ITGA7: variants seen among roughly 807,000 people sequenced by gnomAD.
ITGA7 encodes the protein integrin subunit alpha 7.
A neutral mutation model predicts 131.6 loss-of-function variants in ITGA7; 84 were observed. The observed-to-expected ratio is 0.64, with a 90% CI of 0.54 to 0.77. The LOEUF (loss-of-function observed/expected upper bound fraction) is 0.77, where lower values mean the gene tolerates loss of function less well. Among genes scored for constraint, ITGA7 ranks in the 30% least tolerant of loss-of-function variants. The pLI, the probability that ITGA7 is intolerant of heterozygous loss-of-function variation, is 0.00. For synonymous variants in ITGA7, 548 were observed against 600.7 expected (o/e 0.91, Z 1.28); for missense variants, 1,399 against 1,482.9 (o/e 0.94, Z 0.93).
chr12:55,703,175 C>A lies in ITGA7; in HGVS notation c.210G>T (p.Leu70=). The part of the protein sequence containing the change: ...RQLQPRPQSW[L]LVGAPQALAL... ...CCAGGGCCTGGGGAGCACCCACCAG[C>A]AGCCTGCAAGATGGGGCAGGGGCAG... The change falls in exon 2 of 25, where the codon CTG becomes CTT. Residue 70 remains leucine, a synonymous_variant. Transcript: ENST00000257879. 6 of 1,609,716 alleles carry A rather than the reference C, an allele frequency of 3.7e-6. No individual in the cohort carries two copies. Among genetic ancestry groups the A allele is most frequent in the Non-Finnish European group, 5.1e-6 (6 of 1,179,946 alleles).
Position 55,692,827 on chromosome 12 carries a change from G to T in ITGA7, c.2844+17C>A, listed in dbSNP as rs752052966. The T allele has an allele frequency of 3.1e-5, 49 of 1,599,516 alleles. No homozygotes were observed. In the African/African-American group the frequency reaches 4.4e-4, roughly 14 times the overall value. On this transcript the variant is annotated intron_variant, in intron 21 of 24. Coordinates refer to ENST00000257879, the MANE Select transcript of ITGA7 (RefSeq NM_002206.3). ...CACCCCGGAGCTCTGGCTGCACCGA[G>T]TCTGGCCTGCCCTCACCAGGGTGAT...
At chr12:55,701,458 T>C in intron 3 of ITGA7, 1 of 1,546,380 alleles carries the variant, frequency 6.5e-7, no homozygotes, top group South Asian at 1.2e-5. Flanking sequence ...CCACATAGGA[T>C]GTGTGTCTCC....
chr12:55,685,327 A>T, intron 24 of ITGA7, 39 bp from the exon 25 acceptor site: 1 of 1,585,914 alleles, frequency 6.3e-7, no homozygotes, highest in South Asian at 1.1e-5. Flanking sequence ...GAGCCTGAAG[A>T]GCTGCGGTCC....
At chr12:55,700,076 A>C in intron 4 of ITGA7, 87 bp from the exon 5 acceptor site, 1 of 1,531,744 alleles carries the variant, frequency 6.5e-7, no homozygotes, top group Non-Finnish European at 9.0e-7. Flanking sequence ...AAAGGCCAGA[A>C]AATGGTGGAA....
At position 55,694,910 on chromosome 12, in the gene ITGA7, C is replaced by G. The variant is rs1022667649; in HGVS notation, c.2064G>C (p.Glu688Asp). 2 of 1,614,042 alleles carry G rather than the reference C, an allele frequency of 1.2e-6. No individual in the cohort carries two copies. Among genetic ancestry groups the G allele is most frequent in the South Asian group, 2.2e-5 (2 of 91,086 alleles). ...ALSGQPVIGL[E>D]LMVTNLPSDP... ...CCGATGGCAGGTTGGTGACCATCAG[C>G]TCCAGGCCAATGACTGGCTGCCCAC... is the stretch of plus-strand genomic sequence containing the variant. Residue 688 changes from glutamate (E) to aspartate (D), a missense_variant, in exon 15 of 25, where the codon GAG becomes GAC. By Grantham distance (45) the Glu-to-Asp change is conservative (BLOSUM62 2). Coordinates refer to ENST00000257879, the MANE Select transcript of ITGA7 (RefSeq NM_002206.3). This position sits in a 1 kb window ranked among gnomAD's most constrained non-coding sequence, Gnocchi z 5.3.
At chr12:55,697,113 C>T (rs1216615089) in intron 11 of ITGA7, 45 bp from the exon 12 acceptor site, 1 of 1,600,706 alleles carries the variant, frequency 6.2e-7, no homozygotes. Flanking sequence ...TGCAGAGCTG[C>T]TCCAGCTCAC....
rs2293412 is a variant in ITGA7 at position 55,697,833 on chromosome 12, A to G, written c.1282-11T>C. 883,655 of 1,613,830 alleles carry G rather than the reference A, an allele frequency of 0.55. 250,449 individuals are homozygous for G. The highest frequency in any genetic ancestry group is 0.94 in the East Asian group (42,268 of 44,862). ...CTCGCCCTCCAGCACCTAGAGAACC[A>G]GCTGTCAGCCTCCCTCAATCCCACC... On this transcript the variant is annotated splice_polypyrimidine_tract_variant and intron_variant, in intron 8 of 24. Coordinates refer to ENST00000257879, the MANE Select transcript of ITGA7 (RefSeq NM_002206.3).
chr12:55,712,139 G>T, upstream of ITGA7: 1 of 1,551,528 alleles, frequency 6.4e-7, no homozygotes, highest in Non-Finnish European at 8.7e-7. Context: ...GAGTGGCTGG[G>T]AGGAAAAGAA....
chr12:55,713,806 A>G (rs540531072), upstream of ITGA7, among the ~76,000 whole-genome samples: 27 of 152,326 alleles, frequency 1.8e-4, no homozygotes, highest in South Asian at 5.4e-3. Context: ...ACAGTTGCAC[A>G]TCTCCCAGGA....
Position 55,699,851 on chromosome 12 carries a change from G to A in ITGA7, c.790+19C>T, listed in dbSNP as rs369569134. ...GCTGGGCCATGCCCCTAGAGTCCAG[G>A]AGGTGGGAGCTTACAAACCTAAGTA... On this transcript the variant is annotated intron_variant, in intron 5 of 24. Transcript: ENST00000257879. 4.2e-5 allele frequency: 67 copies of A among 1,594,512 alleles called. No homozygotes were observed. The highest frequency in any genetic ancestry group is 5.5e-5 in the Non-Finnish European group (64 of 1,171,338).
rs145814771 is a variant in ITGA7, at chr12:55,706,108, C to T, written c.206+1369G>A. 3.0e-3 allele frequency among the ~76,000 whole-genome samples: 464 copies of T among 152,234 alleles called. 2 individuals are homozygous for T. The highest frequency in any genetic ancestry group is 0.011 in the African/African-American group (437 of 41,538). ...GAGAGGAGGGGGAAATGACAAGAGA[C>T]CAAGCTATTAAAAATAACCTAGAAT... On this transcript the variant is annotated intron_variant, in intron 1 of 24. Transcript: ENST00000257879.
chr12:55,692,958 A>C lies in ITGA7; in HGVS notation c.2730T>G (p.Asp910Glu). ...NILHLDVDSR[D>E]RRRRELEPPE... ...GTGGCTCCAGCTCCCGCCGCCTCCT[A>C]TCCCTACTGTCCACATCCTGGACAC... Residue 910 changes from aspartate (D) to glutamate (E), a missense_variant, in exon 21 of 25, where the codon GAT becomes GAG. Transcript: ENST00000257879. 1.9e-6 allele frequency: 3 copies of C among 1,613,928 alleles called. No homozygotes were observed. The highest frequency in any genetic ancestry group is 1.3e-5 in the African/African-American group (1 of 74,972).
In ITGA7 at chr12:55,685,129, G is replaced by A. The variant is rs936912849; in HGVS notation, c.3343C>T (p.His1115Tyr). The A allele has an allele frequency of 1.2e-6, 2 of 1,613,016 alleles. No homozygotes were observed. Among genetic ancestry groups the A allele is most frequent in the African/African-American group, 1.3e-5 (1 of 75,074 alleles). Residue 1115 changes from histidine to tyrosine, a missense_variant, in exon 25 of 25, where the codon CAC becomes TAC. Physicochemically the swap from His to Tyr is moderately conservative, Grantham distance 83. Transcript: ENST00000257879. ...GSPRREGPDA[H>Y]PILAADGHPE... ...TGCCCGTCAGCAGCCAGGATGGGGT[G>A]TGCATCCGGGCCCTCCCGCCGGGGG...
chr12:55,705,699 A>G (rs1414740565), intron 1 of ITGA7, among the ~76,000 whole-genome samples: 1 of 152,262 alleles, frequency 6.6e-6, no homozygotes, highest in African/African-American at 2.4e-5. Flanking sequence ...CGGGCTATGC[A>G]CTATTCTAAG....
rs753351732 is a variant in ITGA7, at chr12:55,688,947, C to T, written c.2855G>A (p.Arg952Gln). 1.1e-5 allele frequency: 18 copies of T among 1,613,710 alleles called. No individual in the cohort carries two copies. The East Asian group carries it at 1.3e-4, about 12-fold the overall frequency. ...KKKNITLDCARGTANCVVFSC... is the reference protein window; with the variant it reads ...KKKNITLDCAQGTANCVVFSC... Reference sequence around the variant, plus strand: ...GAACACCACACAGTTGGCCGTGCCCCGGGCGCAGTCCTAGGGATAAGGACA... The same window carrying T: ...GAACACCACACAGTTGGCCGTGCCCTGGGCGCAGTCCTAGGGATAAGGACA... Residue 952 changes from arginine to glutamine, a missense_variant, in exon 22 of 25, where the codon CGG becomes CAG. Arg to Gln is a conservative substitution (Grantham distance 43). Coordinates refer to ENST00000257879, the MANE Select transcript of ITGA7 (RefSeq NM_002206.3).
intron 1 of ITGA7, among the ~76,000 whole-genome samples, chr12:55,705,371 C>CAAAAAAAA (rs537771896): frequency 1.4e-5 from 1 of 69,306 alleles, no homozygotes. Context: ...GAGAGAAAAG[C>CAAAAAAAA]AAAAAAAAAA....
At chr12:55,690,568 T>G (rs1051926111) in intron 21 of ITGA7, among the ~76,000 whole-genome samples, 1 of 149,806 alleles carries the variant, frequency 6.7e-6, no homozygotes, top group African/African-American at 2.5e-5. Flanking sequence ...GTGTGGCGAT[T>G]CCTCAGGGAT....
chr12:55,693,684 G>A (rs1458556754), intron 19 of ITGA7, among the ~76,000 whole-genome samples: 2 of 152,108 alleles, frequency 1.3e-5, no homozygotes, highest in Non-Finnish European at 2.9e-5. Flanking sequence ...GTGAGGAGAG[G>A]CCCCAGCCAA....
At chr12:55,706,692 G>T (rs539947100) in intron 1 of ITGA7, among the ~76,000 whole-genome samples, 8 of 152,174 alleles carry the variant, frequency 5.3e-5, no homozygotes, top group African/African-American at 1.4e-4. Flanking sequence ...AATTAGAATT[G>T]TCCTCCACCC....
Sources: allele counts gnomAD v4.1 joint callset (sites outside exome capture counted in the v4.1 genomes callset), GRCh38; gene constraint gnomAD v4.1.1; non-coding constraint Gnocchi (gnomAD v3.1); transcripts MANE v1.5; gene names NCBI Gene and HGNC (gene_info 2026-07-23, HGNC 2026-07-21).